ARMH3: variants seen among roughly 807,000 people sequenced by gnomAD.
ARMH3 encodes the protein armadillo like helical domain containing 3, also known as armadillo-like helical domain-containing protein 3.
In ARMH3, 60 loss-of-function variants were observed where a neutral mutation model predicts 99.1. The ratio of observed to expected loss-of-function variants is 0.61; its 90% CI spans 0.49 to 0.75. The LOEUF (loss-of-function observed/expected upper bound fraction) is 0.75, where lower values mean the gene tolerates loss of function less well. Among genes scored for constraint, ARMH3 ranks in the 30% least tolerant of loss-of-function variants. The pLI is 0.00. For missense variants in ARMH3, 679 were observed against 843.1 expected (o/e 0.81, Z 2.41); for synonymous variants, 285 against 292.8 (o/e 0.97, Z 0.27).
chr10:101,924,022 C>T (rs1843405668), intron 23 of ARMH3, among the ~76,000 whole-genome samples: 1 of 152,072 alleles, frequency 6.6e-6, no homozygotes, highest in African/African-American at 2.4e-5. Flanking sequence ...AATTATCCAC[C>T]AAATCAGTAG....
At chr10:101,939,973 C>T in intron 22 of ARMH3, 35 bp from the exon 23 acceptor site, 1 of 1,582,850 alleles carries the variant, frequency 6.3e-7, no homozygotes, top group South Asian at 1.1e-5. Flanking sequence ...TCTGTCAAAC[C>T]CCCGGCATAA....
intron 22 of ARMH3, among the ~76,000 whole-genome samples, chr10:101,950,721 T>A (rs1014159478): frequency 3.3e-5 from 5 of 152,240 alleles, no homozygotes; most frequent in African/African-American, 1.2e-4. Context: ...TTGTATGATT[T>A]CATTTATATA....
rs2135507081 is a variant in ARMH3 at position 101,903,162 on chromosome 10, T to C, written c.1782-13672A>G. Among the ~76,000 whole-genome samples, 2 of 152,366 alleles carry C rather than the reference T, an allele frequency of 1.3e-5. 1 individual carries two copies. The highest frequency in any genetic ancestry group is 4.1e-4 in the South Asian group (2 of 4,834). On this transcript the variant is annotated intron_variant, in intron 23 of 25. Coordinates refer to ENST00000370033, the MANE Select transcript of ARMH3 (RefSeq NM_024541.3). ...AGCACTGTTTTAGAAACAGAACTTCTATATTTTCTCCTCTCTTACTCTGCA... is the reference window on the plus strand; with the variant it reads ...AGCACTGTTTTAGAAACAGAACTTCCATATTTTCTCCTCTCTTACTCTGCA...
intron 23 of ARMH3, among the ~76,000 whole-genome samples, chr10:101,909,586 C>G (rs921898083): frequency 2.7e-5 from 4 of 148,988 alleles, no homozygotes; most frequent in African/African-American, 9.9e-5. Flanking sequence ...CCTCCTATCT[C>G]AGCCGCCTGA....
chr10:102,030,247 T>C (rs2067096781), intron 4 of ARMH3, among the ~76,000 whole-genome samples: 1 of 152,130 alleles, frequency 6.6e-6, no homozygotes, highest in Non-Finnish European at 1.5e-5. Flanking sequence ...ATGTGCAAAA[T>C]CCAGCAAATA....
At chr10:101,864,393 G>T (rs1020289387) in intron 24 of ARMH3, among the ~76,000 whole-genome samples, 2 of 152,114 alleles carry the variant, frequency 1.3e-5, no homozygotes, top group African/African-American at 2.4e-5. Flanking sequence ...CCATTACTGG[G>T]TATATACCCA....
chr10:101,923,289 A>G (rs1413228242), intron 23 of ARMH3, among the ~76,000 whole-genome samples: 1 of 152,230 alleles, frequency 6.6e-6, no homozygotes, highest in Non-Finnish European at 1.5e-5. Flanking sequence ...ATTTATAATT[A>G]GGCTGATAGC....
At chr10:101,883,851 G>C (rs1479732726) in intron 24 of ARMH3, among the ~76,000 whole-genome samples, 1 of 151,902 alleles carries the variant, frequency 6.6e-6, no homozygotes, top group Non-Finnish European at 1.5e-5. Flanking sequence ...AAATTAGCCA[G>C]GCATGGTGGC....
At chr10:101,890,654 C>T (rs1028918509) in intron 23 of ARMH3, among the ~76,000 whole-genome samples, 1 of 152,140 alleles carries the variant, frequency 6.6e-6, no homozygotes, top group African/African-American at 2.4e-5. Flanking sequence ...TGATTTATTG[C>T]CAAAGACTAG....
chr10:101,953,970 T>C (rs773387680), intron 22 of ARMH3, among the ~76,000 whole-genome samples: 1 of 152,080 alleles, frequency 6.6e-6, no homozygotes, highest in Non-Finnish European at 1.5e-5. Context: ...GATGGGCAGG[T>C]TGCTTGAGCC....
intron 20 of ARMH3, among the ~76,000 whole-genome samples, chr10:101,958,871 C>T (rs1203691950): frequency 3.3e-5 from 5 of 152,084 alleles, no homozygotes; most frequent in Non-Finnish European, 5.9e-5. Context: ...CCACACAACA[C>T]CCCTCACTCT....
chr10:101,860,960 C>T (rs1334236381), intron 24 of ARMH3, among the ~76,000 whole-genome samples: 1 of 152,144 alleles, frequency 6.6e-6, no homozygotes, highest in Non-Finnish European at 1.5e-5. Context: ...CAAAATCTAG[C>T]ACTTAACTTC....
chr10:101,862,936 G>C (rs1001067226), intron 24 of ARMH3, among the ~76,000 whole-genome samples: 2 of 152,216 alleles, frequency 1.3e-5, no homozygotes, highest in African/African-American at 4.8e-5. Context: ...AGGCGCGGTG[G>C]CTCATGCCTG....
intron 22 of ARMH3, among the ~76,000 whole-genome samples, chr10:101,947,509 A>G (rs1253180297): frequency 6.8e-6 from 1 of 147,506 alleles, no homozygotes; most frequent in Non-Finnish European, 1.5e-5. Context: ...CCTAAAAACT[A>G]AAAAAAAAAG....
intron 24 of ARMH3, among the ~76,000 whole-genome samples, chr10:101,852,939 A>G (rs180995876): frequency 6.6e-6 from 1 of 150,890 alleles, no homozygotes; most frequent in Middle Eastern, 3.2e-3. Context: ...GCTGAAGTGC[A>G]ATGGCGCTAT....
intron 23 of ARMH3, among the ~76,000 whole-genome samples, chr10:101,935,051 T>C (rs1166512858): frequency 1.3e-5 from 2 of 151,900 alleles, no homozygotes; most frequent in African/African-American, 4.8e-5. Context: ...ACTCCTTTAC[T>C]GTGCTGCAGT....
chr10:101,891,048 T>C (rs933731679), intron 23 of ARMH3, among the ~76,000 whole-genome samples: 2 of 152,060 alleles, frequency 1.3e-5, no homozygotes, highest in African/African-American at 2.4e-5. Flanking sequence ...CTAATTTTTG[T>C]ATTTTTTGTA....
chr10:102,025,592 T>TA (rs1406938793), intron 5 of ARMH3, among the ~76,000 whole-genome samples: 1 of 151,900 alleles, frequency 6.6e-6, no homozygotes. Flanking sequence ...AGGAAGCAAA[T>TA]AAAAAAAGGG....
intron 11 of ARMH3, 63 bp from the exon 12 acceptor site, chr10:102,010,086 AG>A: frequency 6.6e-7 from 1 of 1,505,000 alleles, no homozygotes; most frequent in Non-Finnish European, 9.2e-7. Flanking sequence ...CTTTATGCCT[AG>A]GAAGCCTTTT....
Sources: gnomAD v4.1 joint callset for allele counts (sites outside exome capture counted in the v4.1 genomes callset) on GRCh38, gnomAD v4.1.1 for gene constraint, MANE v1.5 for transcripts, NCBI Gene and HGNC (gene_info 2026-07-23, HGNC 2026-07-21) for gene names.